Variants in LRRC37A2 observed in about 807,000 individuals in gnomAD.
LRRC37A2 encodes the protein leucine rich repeat containing 37 member A2.
LRRC37A2 carries 9 observed loss-of-function variants against 68.8 expected under a neutral mutation model. The observed-to-expected ratio is 0.13, with a 90% CI of 0.08 to 0.23. LRRC37A2 has a LOEUF of 0.23. LRRC37A2 is among the 10% of genes least tolerant of loss of function. LRRC37A2 has a pLI of 1.00. For synonymous variants in LRRC37A2, 63 were observed against 367.6 expected, an observed-to-expected ratio of 0.17 and a Z score of 9.48; for missense variants, 168 against 950.4, an observed-to-expected ratio of 0.18 and a Z score of 10.82.
the LRRC37A2 span, among the ~76,000 whole-genome samples, chr17:46,967,293 T>TGTGGCTGCACAA: frequency 6.6e-6 from 1 of 152,226 alleles, no homozygotes; most frequent in African/African-American, 2.4e-5. Flanking sequence ...ACAAGTCTCT[T>TGTGGCTGCACAA]ACCCTTGCTG....
At chr17:47,002,306 A>G in the LRRC37A2 span, among the ~76,000 whole-genome samples, 1 of 152,192 alleles carries the variant, frequency 6.6e-6, no homozygotes, top group African/African-American at 2.4e-5. Flanking sequence ...ACATCATGGA[A>G]AGTGGGGTAT....
the LRRC37A2 span, among the ~76,000 whole-genome samples, chr17:46,748,147 G>A: frequency 6.6e-6 from 1 of 151,932 alleles, no homozygotes; most frequent in Non-Finnish European, 1.5e-5. Context: ...CGCTCTTGTT[G>A]CCCAGGCTGG....
At chr17:46,919,355 TG>T in the LRRC37A2 span, among the ~76,000 whole-genome samples, 1 of 152,028 alleles carries the variant, frequency 6.6e-6, no homozygotes, top group Non-Finnish European at 1.5e-5. Flanking sequence ...AAAGAAAAAA[TG>T]GGATATAAGT....
the LRRC37A2 span, chr17:46,940,325 T>A: frequency 6.9e-7 from 1 of 1,453,578 alleles, no homozygotes; most frequent in Admixed American, 2.5e-5. Context: ...GAAGGAGCAA[T>A]CTGTGACTCC....
the LRRC37A2 span, chr17:46,768,535 C>T: frequency 6.2e-7 from 1 of 1,614,172 alleles, no homozygotes; most frequent in South Asian, 1.1e-5. This position sits in a 1 kb window ranked among gnomAD's most constrained non-coding sequence, Gnocchi z 5.0. Flanking sequence ...GGGTTGGGCT[C>T]ACAAAAGTTG....
At chr17:47,004,690 C>T in the LRRC37A2 span, among the ~76,000 whole-genome samples, 1 of 152,142 alleles carries the variant, frequency 6.6e-6, no homozygotes, top group South Asian at 2.1e-4. Flanking sequence ...CACTATGCCC[C>T]GCTAATTTAC....
chr17:46,784,968 G>A, the LRRC37A2 span, among the ~76,000 whole-genome samples: 7,551 of 151,998 alleles, frequency 0.05, 996 homozygotes, highest in East Asian at 0.47. Flanking sequence ...TAGTAGAGAC[G>A]GGGTTTCACT....
chr17:46,895,349 C>G, the LRRC37A2 span, among the ~76,000 whole-genome samples: 1 of 152,256 alleles, frequency 6.6e-6, no homozygotes, highest in Admixed American at 6.5e-5. Context: ...CTTAACCATG[C>G]AGGCTCAGGA....
the LRRC37A2 span, among the ~76,000 whole-genome samples, chr17:46,838,906 C>T: frequency 2.0e-5 from 3 of 152,074 alleles, no homozygotes; most frequent in East Asian, 5.8e-4. Context: ...GAGACGGAGT[C>T]GCACTCTGTC....
At chr17:46,691,353 G>C in the LRRC37A2 span, among the ~76,000 whole-genome samples, 1 of 100,234 alleles carries the variant, frequency 1.0e-5, no homozygotes, top group African/African-American at 4.2e-5. Flanking sequence ...CCAGCACTTT[G>C]GGAGGCTGCG....
chr17:46,848,182 A>G, the LRRC37A2 span, among the ~76,000 whole-genome samples: 29,848 of 152,088 alleles, frequency 0.2, 3,601 homozygotes, highest in East Asian at 0.5. Flanking sequence ...CCATGGGGGA[A>G]CAGTGGGGGT....
At chr17:46,823,156 ATAT>A in the LRRC37A2 span, among the ~76,000 whole-genome samples, 1 of 100,676 alleles carries the variant, frequency 9.9e-6, no homozygotes, top group Admixed American at 1.0e-4. Flanking sequence ...ATATATTTAT[ATAT>A]TATATATTAT....
the LRRC37A2 span, among the ~76,000 whole-genome samples, chr17:46,621,148 A>G: frequency 1.4e-5 from 2 of 145,130 alleles, no homozygotes; most frequent in Non-Finnish European, 3.0e-5. Context: ...CTCCCAGAGT[A>G]TAGGAAGATT....
the LRRC37A2 span, among the ~76,000 whole-genome samples, chr17:46,727,458 CCTT>C: frequency 1.3e-5 from 2 of 152,078 alleles, no homozygotes; most frequent in Non-Finnish European, 1.5e-5. Flanking sequence ...CTGAATAATC[CCTT>C]CTTCTTTAAG....
At chr17:46,949,817 C>G in the LRRC37A2 span, among the ~76,000 whole-genome samples, 1 of 152,114 alleles carries the variant, frequency 6.6e-6, no homozygotes, top group Non-Finnish European at 1.5e-5. Flanking sequence ...AAGGGGTGTG[C>G]TCTGGGAAGG....
chr17:46,899,282 T>C, the LRRC37A2 span, among the ~76,000 whole-genome samples: 1 of 152,040 alleles, frequency 6.6e-6, no homozygotes, highest in Admixed American at 6.5e-5. Context: ...CATGTGCCTG[T>C]GGTCCCAGAT....
the LRRC37A2 span, among the ~76,000 whole-genome samples, chr17:46,945,812 C>A: frequency 6.6e-6 from 1 of 152,152 alleles, no homozygotes; most frequent in African/African-American, 2.4e-5. Flanking sequence ...CACTGCTGCC[C>A]CCAGGACCTC....
chr17:46,794,373 G>C, the LRRC37A2 span, among the ~76,000 whole-genome samples: 2 of 152,170 alleles, frequency 1.3e-5, no homozygotes, highest in Non-Finnish European at 2.9e-5. Flanking sequence ...AGAAGCCCAG[G>C]CCCTATATGC....
chr17:46,758,113 A>G, the LRRC37A2 span, among the ~76,000 whole-genome samples: 1 of 152,228 alleles, frequency 6.6e-6, no homozygotes, highest in East Asian at 1.9e-4. Flanking sequence ...TGTACAAACC[A>G]AGGAACTTCA....
Sources: allele counts gnomAD v4.1 joint callset (sites outside exome capture counted in the v4.1 genomes callset), GRCh38; gene constraint gnomAD v4.1.1; non-coding constraint Gnocchi (gnomAD v3.1); transcripts MANE v1.5; gene names NCBI Gene and HGNC (gene_info 2026-07-23, HGNC 2026-07-21).